Variants in PPM1L observed in about 807,000 individuals in gnomAD.
The protein encoded by PPM1L is protein phosphatase 1L.
A neutral mutation model predicts 31.4 loss-of-function variants in PPM1L; 13 were observed. The ratio of observed to expected loss-of-function variants is 0.41; its 90% confidence interval spans 0.27 to 0.66. The LOEUF is 0.66. Among genes scored for constraint, PPM1L ranks in the 30% least tolerant of loss-of-function variants. PPM1L has a pLI of 0.29. For missense variants in PPM1L, 326 were observed against 453.7 expected (o/e 0.72, Z 2.56); for synonymous variants, 184 against 175.4 (o/e 1.05, Z -0.39).
chr3:161,046,645 A>AT (rs773807328), intron 2 of PPM1L, among the ~76,000 whole-genome samples: 9 of 152,338 alleles, frequency 5.9e-5, no homozygotes, highest in Admixed American at 2.0e-4. Flanking sequence ...AAAAAAGAGA[A>AT]TTTTAGACCA....
intron 1 of PPM1L, among the ~76,000 whole-genome samples, chr3:160,808,351 GGCTTCAT>G (rs1354123366): frequency 3.7e-5 from 5 of 134,498 alleles, no homozygotes; most frequent in African/African-American, 1.6e-4. Flanking sequence ...AGGGAAGCTG[GGCTTCAT>G]AAGAGCTGCA....
intron 1 of PPM1L, among the ~76,000 whole-genome samples, chr3:160,937,978 A>G (rs1715035483): frequency 6.6e-6 from 1 of 152,206 alleles, no homozygotes; most frequent in Non-Finnish European, 1.5e-5. Context: ...ACTGACCTCA[A>G]GAGTGCTTGT....
At chr3:161,002,197 A>G (rs935803754) in intron 2 of PPM1L, among the ~76,000 whole-genome samples, 3 of 152,284 alleles carry the variant, frequency 2.0e-5, no homozygotes, top group African/African-American at 2.4e-5. Context: ...ATAGTATTCC[A>G]TGGTGTATAT....
chr3:161,036,912 T>C (rs2108085527), intron 2 of PPM1L, among the ~76,000 whole-genome samples: 1 of 152,316 alleles, frequency 6.6e-6, no homozygotes, highest in Admixed American at 6.5e-5. Flanking sequence ...TTTTTGTATC[T>C]AACAAGTTCT....
intron 1 of PPM1L, among the ~76,000 whole-genome samples, chr3:160,924,624 T>C (rs2108074422): frequency 6.6e-6 from 1 of 152,288 alleles, no homozygotes; most frequent in East Asian, 1.9e-4. Context: ...GCAGCATCCT[T>C]AGTATAGTTG....
intron 2 of PPM1L, chr3:161,035,813 C>G (rs1226048208): frequency 6.6e-6 from 1 of 152,206 alleles, no homozygotes; most frequent in African/African-American, 2.4e-5. Context: ...GGGGTTTGAA[C>G]ACATTGTTTC....
At chr3:160,844,283 C>G (rs745407039) in intron 1 of PPM1L, among the ~76,000 whole-genome samples, 6 of 152,138 alleles carry the variant, frequency 3.9e-5, no homozygotes, top group South Asian at 2.1e-4. Flanking sequence ...TTAAGGGTAT[C>G]CTTTAGCCTT....
intron 1 of PPM1L, among the ~76,000 whole-genome samples, chr3:160,924,436 C>A (rs1559889441): frequency 6.6e-6 from 1 of 152,316 alleles, no homozygotes; most frequent in South Asian, 2.1e-4. Context: ...GAAAGGAAAT[C>A]ATTCCTAATT....
At chr3:160,782,145 A>T (rs557954031) in intron 1 of PPM1L, among the ~76,000 whole-genome samples, 1 of 151,518 alleles carries the variant, frequency 6.6e-6, no homozygotes, top group East Asian at 1.9e-4. Context: ...GTCTGTTAGC[A>T]GTCACTCTCC....
At chr3:160,844,789 A>C (rs1373301593) in intron 1 of PPM1L, among the ~76,000 whole-genome samples, 1 of 152,068 alleles carries the variant, frequency 6.6e-6, no homozygotes, top group Non-Finnish European at 1.5e-5. Context: ...TGTACAATTC[A>C]ATAGTTTTTA....
chr3:161,003,341 T>G (rs973998165), intron 2 of PPM1L, among the ~76,000 whole-genome samples: 7 of 151,574 alleles, frequency 4.6e-5, no homozygotes, highest in South Asian at 2.1e-4. Context: ...TGGTTCCATA[T>G]GAACTTTAAA....
At chr3:160,917,182 G>T (rs1410315711) in intron 1 of PPM1L, among the ~76,000 whole-genome samples, 2 of 152,148 alleles carry the variant, frequency 1.3e-5, no homozygotes, top group Non-Finnish European at 2.9e-5. Flanking sequence ...GATAGTATTT[G>T]GTTCAATGAC....
At chr3:160,919,826 T>G (rs1228770156) in intron 1 of PPM1L, among the ~76,000 whole-genome samples, 1 of 152,214 alleles carries the variant, frequency 6.6e-6, no homozygotes, top group Non-Finnish European at 1.5e-5. Context: ...GTGGGTGAAT[T>G]GCTCTGTGAA....
At chr3:160,899,352 A>C (rs1713461186) in intron 1 of PPM1L, among the ~76,000 whole-genome samples, 1 of 152,154 alleles carries the variant, frequency 6.6e-6, no homozygotes, top group Non-Finnish European at 1.5e-5. Context: ...CTTGGACTCA[A>C]GTGTCTGTAA....
chr3:160,998,900 T>C (rs1025459382), intron 2 of PPM1L, among the ~76,000 whole-genome samples: 1 of 152,154 alleles, frequency 6.6e-6, no homozygotes, highest in Non-Finnish European at 1.5e-5. Context: ...GACTTTTTAA[T>C]AAAGAACTTG....
chr3:160,807,149 C>G (rs1430842721), intron 1 of PPM1L, among the ~76,000 whole-genome samples: 1 of 152,062 alleles, frequency 6.6e-6, no homozygotes, highest in East Asian at 1.9e-4. Flanking sequence ...AGCAATTTCC[C>G]CTGATTTGGT....
chr3:161,031,322 C>T (rs2108080127), intron 2 of PPM1L, among the ~76,000 whole-genome samples: 1 of 152,250 alleles, frequency 6.6e-6, no homozygotes, highest in Admixed American at 6.5e-5. Flanking sequence ...AATTGTTGAG[C>T]AACAACTATG....
rs1009705819 is a variant in PPM1L at position 160,827,308 on chromosome 3, G to T, written c.399+70601G>T. Among the ~76,000 whole-genome samples the T allele has an allele frequency of 4.0e-5, 6 of 150,806 alleles. 1 individual carries two copies. Among genetic ancestry groups the T allele is most frequent in the African/African-American group, 1.5e-4 (6 of 40,204 alleles). The stretch of plus-strand genomic sequence containing the variant: ...TGTCCTCTGAGATACTTTTTTACTG[G>T]CTGATTTTTTAAAAAAATTAAAGAG... On this transcript the variant is annotated intron_variant, in intron 1 of 3. Coordinates refer to ENST00000498165, the MANE Select transcript of PPM1L (RefSeq NM_139245.4).
chr3:160,912,234 T>A (rs907579357), intron 1 of PPM1L, among the ~76,000 whole-genome samples: 2 of 152,198 alleles, frequency 1.3e-5, no homozygotes, highest in African/African-American at 2.4e-5. Flanking sequence ...TCCCTAAGGC[T>A]GTACTTCAGG....
Sources: gnomAD v4.1 joint callset for allele counts (sites outside exome capture counted in the v4.1 genomes callset) on GRCh38, gnomAD v4.1.1 for gene constraint, MANE v1.5 for transcripts, NCBI Gene and HGNC (gene_info 2026-07-23, HGNC 2026-07-21) for gene names.